The following IPO4 variants were observed in gnomAD, a reference collection of about 807,000 sequenced individuals.
IPO4 encodes the protein importin-4.
In IPO4, 91 loss-of-function variants were observed where a neutral mutation model predicts 133.5. That is an observed-to-expected ratio of 0.68 (90% confidence interval 0.58 to 0.81). IPO4 has a LOEUF of 0.81. Among genes scored for constraint, IPO4 ranks in the 30% least tolerant of loss-of-function variants. The probability of loss-of-function intolerance (pLI) is 0.00; values close to 1 mark genes in which losing one functional copy is unlikely to be tolerated. For missense variants in IPO4, 1,279 were observed against 1,386.2 expected, an observed-to-expected ratio of 0.92 and a Z score of 1.23; for synonymous variants, 607 against 581.6, an observed-to-expected ratio of 1.04 and a Z score of -0.63.
At chr14:24,184,513 C>A in intron 16 of IPO4, 95 bp from the exon 17 acceptor site, 1 of 1,488,292 alleles carries the variant, frequency 6.7e-7, no homozygotes, top group Middle Eastern at 2.0e-4. Flanking sequence ...CCCGCCCCAC[C>A]CCTTGGTACA....
rs1207578265 is a variant in IPO4 at position 24,182,831 on chromosome 14, C to T, written c.2433G>A (p.Gln811=). ...KAVLQRKTAC[Q]DTDEEEEEED... ...CCTCTTCCTCCTCCTCGTCAGTATC[C>T]TGACAGGCTGTCTACAAGAAGTAGC... Residue 811 remains glutamine, a synonymous_variant, in exon 24 of 30, where the codon CAG becomes CAA. Transcript: ENST00000354464. 9 of 1,614,060 alleles carry T rather than the reference C, an allele frequency of 5.6e-6. No individual in the cohort carries two copies. The highest frequency in any genetic ancestry group is 1.3e-5 in the African/African-American group (1 of 74,928).
rs148399430 is a variant in IPO4, at chr14:24,182,822, G to A, written c.2442C>T (p.Asp814=). 8.3e-4 allele frequency: 1,339 copies of A among 1,614,022 alleles called. 9 individuals are homozygous for A. In the African/African-American group the frequency reaches 0.015, roughly 18 times the overall value. ...LQRKTACQDT[D]EEEEEEDDDQ... ...CATCATCTTCCTCTTCCTCCTCCTCGTCAGTATCCTGACAGGCTGTCTACA... is the reference window on the plus strand; with the variant it reads ...CATCATCTTCCTCTTCCTCCTCCTCATCAGTATCCTGACAGGCTGTCTACA... The change falls in exon 24 of 30, where the codon GAC becomes GAT. Residue 814 remains aspartate, a synonymous_variant. Coordinates refer to ENST00000354464, the MANE Select transcript of IPO4 (RefSeq NM_024658.4).
At position 24,180,401 on chromosome 14, in the gene IPO4, G is replaced by A; in HGVS notation, c.*41C>T. ...GGGCTGAGAGGTGGTCTTAAGGCCT[G>A]GGCAGGCTCTATTCTCTCTGGACTG... On this transcript the variant is annotated 3_prime_UTR_variant, in exon 30 of 30. Coordinates refer to ENST00000354464, the MANE Select transcript of IPO4 (RefSeq NM_024658.4). 2 of 1,588,914 alleles carry A rather than the reference G, an allele frequency of 1.3e-6. No homozygotes were observed. Among genetic ancestry groups the A allele is most frequent in the African/African-American group, 2.7e-5 (2 of 74,632 alleles).
chr14:24,184,781 A>G lies in IPO4; in HGVS notation c.1523-18T>C, dbSNP rs764411020. On this transcript the variant is annotated intron_variant, in intron 15 of 29. Transcript: ENST00000354464. Reference sequence around the variant, plus strand: ...AGCCGTAGCTGCAGGATGGAAGGACAGAATCAGAGCTGGAGAGGGCAGGGA... The same window carrying G: ...AGCCGTAGCTGCAGGATGGAAGGACGGAATCAGAGCTGGAGAGGGCAGGGA... 1 of 1,609,194 alleles carries G rather than the reference A, an allele frequency of 6.2e-7. No individual in the cohort carries two copies. Among genetic ancestry groups the G allele is most frequent in the South Asian group, 1.1e-5 (1 of 90,682 alleles).
chr14:24,187,709 C>T lies in IPO4; in HGVS notation c.366G>A (p.Leu122=), dbSNP rs1312551365. 6.2e-7 allele frequency: 1 copy of T among 1,614,132 alleles called. No homozygotes were observed. Among genetic ancestry groups the T allele is most frequent in the Admixed American group, 1.7e-5 (1 of 60,002 alleles). The change falls in exon 5 of 30, where the codon CTG becomes CTA. Residue 122 remains leucine (L), a synonymous_variant. Coordinates refer to ENST00000354464, the MANE Select transcript of IPO4 (RefSeq NM_024658.4). ...GLEAWPQLLQ[L]LQHSTHSPHS... ...GGGGGCTGTGGGTACTGTGCTGAAG[C>T]AGCTGCAAAAGCTGTGGCCAGGCCT...
chr14:24,181,428 A>G, intron 28 of IPO4, 85 bp downstream of exon 28: 1 of 1,089,550 alleles, frequency 9.2e-7, no homozygotes, highest in Non-Finnish European at 1.4e-6. Context: ...GACAGCCTGG[A>G]GCTCCCGAGC....
intron 21 of IPO4, 21 bp downstream of exon 21, chr14:24,183,435 T>C: frequency 6.3e-7 from 1 of 1,590,918 alleles, no homozygotes; most frequent in Non-Finnish European, 8.6e-7. Flanking sequence ...CCCCACCCAC[T>C]CCACCCGCCG....
intron 28 of IPO4, 108 bp downstream of exon 28, chr14:24,181,405 A>G (rs2039134010): frequency 1.2e-6 from 1 of 806,568 alleles, no homozygotes; most frequent in East Asian, 2.7e-5. Context: ...GTCACCTTGC[A>G]TCAGGTGCAA....
chr14:24,186,632 G>A, intron 9 of IPO4, 76 bp downstream of exon 9: 23 of 1,433,986 alleles, frequency 1.6e-5, no homozygotes, highest in Non-Finnish European at 2.1e-5. Context: ...ACCCTGAGAT[G>A]GACCGAAAGC....
chr14:24,185,038 C>T (rs2039199317), intron 14 of IPO4, 58 bp from the exon 15 acceptor site: 2 of 1,592,068 alleles, frequency 1.3e-6, no homozygotes, highest in Non-Finnish European at 1.7e-6. Flanking sequence ...GCACGCCCAC[C>T]TCCCTCCAGG....
Position 24,188,655 on chromosome 14 carries a change from G to C in IPO4, c.70-17C>G. 1 of 1,607,104 alleles carries C rather than the reference G, an allele frequency of 6.2e-7. No individual in the cohort carries two copies. Among genetic ancestry groups the C allele is most frequent in the Non-Finnish European group, 8.5e-7 (1 of 1,176,498 alleles). ...TTCCGTGGCCTGGGGGGAAGCTAGG[G>C]GTGAGAGTTGGGCCTTTCCCGCAAC... On this transcript the variant is annotated splice_polypyrimidine_tract_variant and intron_variant, in intron 1 of 29. Coordinates refer to ENST00000354464, the MANE Select transcript of IPO4 (RefSeq NM_024658.4).
At chr14:24,187,833 A>G (rs2138820930) in intron 4 of IPO4, 37 bp from the exon 5 acceptor site, 1 of 1,612,474 alleles carries the variant, frequency 6.2e-7, no homozygotes, top group Non-Finnish European at 8.5e-7. Context: ...TCACCCTTCA[A>G]TACCTTCCTC....
chr14:24,185,638 T>C, intron 12 of IPO4, 71 bp from the exon 13 acceptor site: 1 of 1,404,112 alleles, frequency 7.1e-7, no homozygotes, highest in Non-Finnish European at 1.0e-6. Context: ...CCTGTTCTCT[T>C]CATTTTCCCT....
intron 18 of IPO4, 45 bp downstream of exon 18, chr14:24,183,953 C>T (rs1348008476): frequency 1.2e-6 from 2 of 1,613,308 alleles, no homozygotes; most frequent in African/African-American, 2.7e-5. Flanking sequence ...GAGATAAATC[C>T]CATTGCAGGG....
At chr14:24,185,036 ACCTC>A in intron 14 of IPO4, 56 bp from the exon 15 acceptor site, 2 of 1,590,720 alleles carry the variant, frequency 1.3e-6, no homozygotes, top group Non-Finnish European at 1.7e-6. Context: ...CTGCACGCCC[ACCTC>A]CCTCCAGGCG....
At chr14:24,187,834 T>C (rs758504520) in intron 4 of IPO4, 38 bp from the exon 5 acceptor site, 6 of 1,611,730 alleles carry the variant, frequency 3.7e-6, no homozygotes, top group Non-Finnish European at 5.1e-6. Flanking sequence ...CACCCTTCAA[T>C]ACCTTCCTCT....
chr14:24,186,108 G>A (rs556053687), intron 11 of IPO4, 21 bp downstream of exon 11: 1 of 1,613,630 alleles, frequency 6.2e-7, no homozygotes, highest in South Asian at 1.1e-5. Flanking sequence ...AGGGACACCA[G>A]AAGGACAGAG....
At chr14:24,185,824 G>C (rs1404061269) in intron 12 of IPO4, 37 bp downstream of exon 12, 2 of 1,511,506 alleles carry the variant, frequency 1.3e-6, no homozygotes, top group Admixed American at 1.7e-5. Flanking sequence ...GGTCCTCCCT[G>C]TGGGCAACCC....
At chr14:24,185,660 G>A in intron 12 of IPO4, 93 bp from the exon 13 acceptor site, 3 of 1,235,258 alleles carry the variant, frequency 2.4e-6, no homozygotes, top group South Asian at 2.5e-5. Flanking sequence ...GAAAAACCAA[G>A]GCTTTTCCTG....
Sources: allele counts gnomAD v4.1 joint callset, GRCh38; gene constraint gnomAD v4.1.1; transcripts MANE v1.5; gene names NCBI Gene and HGNC (gene_info 2026-07-23, HGNC 2026-07-21).